Variants in CACNA2D1 observed in about 807,000 individuals in gnomAD.
The protein encoded by CACNA2D1 is voltage-dependent calcium channel subunit alpha-2/delta-1.
CACNA2D1 carries 53 observed loss-of-function variants against 171.5 expected under a neutral mutation model. That is an observed-to-expected ratio of 0.31 (90% CI 0.25 to 0.39). The LOEUF (loss-of-function observed/expected upper bound fraction) is 0.39, where lower values mean the gene tolerates loss of function less well. Among genes scored for constraint, CACNA2D1 ranks in the 10% least tolerant of loss-of-function variants. The pLI is 1.00. For synonymous variants in CACNA2D1, 442 were observed against 443.1 expected, an observed-to-expected ratio of 1.00 and a Z score of 0.03; for missense variants, 903 against 1,299.8, an observed-to-expected ratio of 0.69 and a Z score of 4.69.
chr7:82,038,680 G>C (rs1005370634), intron 10 of CACNA2D1, among the ~76,000 whole-genome samples: 1 of 152,142 alleles, frequency 6.6e-6, no homozygotes, highest in Non-Finnish European at 1.5e-5. Flanking sequence ...TGAATAACAT[G>C]AATCAATGTT....
intron 1 of CACNA2D1, among the ~76,000 whole-genome samples, chr7:82,397,415 T>C (rs1216302011): frequency 1.3e-5 from 2 of 151,980 alleles, no homozygotes; most frequent in Non-Finnish European, 2.9e-5. Flanking sequence ...TGGTCCTTCG[T>C]TTTTTTTCTT....
intron 1 of CACNA2D1, among the ~76,000 whole-genome samples, chr7:82,418,446 C>T (rs1015024419): frequency 6.6e-6 from 1 of 152,078 alleles, no homozygotes; most frequent in Non-Finnish European, 1.5e-5. Context: ...TGTATTATTT[C>T]TTCTTTGTAG....
intron 3 of CACNA2D1, among the ~76,000 whole-genome samples, chr7:82,266,268 G>T (rs375184751): frequency 1.3e-5 from 2 of 152,154 alleles, no homozygotes; most frequent in African/African-American, 4.8e-5. Flanking sequence ...GGTGCTATTT[G>T]TTATCAAGTG....
At position 82,213,057 on chromosome 7, in the gene CACNA2D1, G is replaced by A. The variant is rs532791619; in HGVS notation, c.295-42448C>T. Among the ~76,000 whole-genome samples the A allele has an allele frequency of 1.3e-4, 19 of 151,954 alleles. No individual in the cohort carries two copies. In the South Asian group the frequency reaches 1.9e-3, roughly 15 times the overall value. The stretch of plus-strand genomic sequence containing the variant: ...CTGGGATTACTGGTGCCCACACCAC[G>A]CCCTGCTAATTTTTTGTATTTTTAG... On this transcript the variant is annotated intron_variant, in intron 3 of 38. Coordinates refer to ENST00000356860, the MANE Select transcript of CACNA2D1 (RefSeq NM_000722.4).
At chr7:82,142,910 G>T (rs1171699809) in intron 4 of CACNA2D1, among the ~76,000 whole-genome samples, 1 of 152,140 alleles carries the variant, frequency 6.6e-6, no homozygotes, top group African/African-American at 2.4e-5. Flanking sequence ...TACATTTGTA[G>T]CAATTTGACT....
At chr7:82,057,625 G>A (rs1474831858) in intron 10 of CACNA2D1, among the ~76,000 whole-genome samples, 1 of 152,058 alleles carries the variant, frequency 6.6e-6, no homozygotes, top group African/African-American at 2.4e-5. Flanking sequence ...GGAATATCAT[G>A]GGTGTTGCTG....
intron 1 of CACNA2D1, among the ~76,000 whole-genome samples, chr7:82,374,768 C>G (rs1226229575): frequency 2.4e-5 from 3 of 125,790 alleles, no homozygotes; most frequent in Non-Finnish European, 5.2e-5. Flanking sequence ...AAAGAACACA[C>G]TAAACAAACA....
chr7:82,197,649 G>T (rs568021522), intron 3 of CACNA2D1, among the ~76,000 whole-genome samples: 3 of 152,026 alleles, frequency 2.0e-5, no homozygotes, highest in African/African-American at 7.2e-5. Flanking sequence ...CTGTTGTTAC[G>T]TGGCATGTGC....
At chr7:82,360,795 C>G (rs1186726240) in intron 1 of CACNA2D1, among the ~76,000 whole-genome samples, 1 of 152,130 alleles carries the variant, frequency 6.6e-6, no homozygotes, top group Non-Finnish European at 1.5e-5. Context: ...TGTGGCACTT[C>G]TTTTAAATAT....
At chr7:82,282,221 C>T (rs900795405) in intron 3 of CACNA2D1, among the ~76,000 whole-genome samples, 2 of 152,120 alleles carry the variant, frequency 1.3e-5, no homozygotes, top group Non-Finnish European at 2.9e-5. Flanking sequence ...TCCCTTGAAC[C>T]CAGGAGGCGG....
At chr7:82,238,450 CAT>C (rs1563243184) in intron 3 of CACNA2D1, among the ~76,000 whole-genome samples, 1 of 151,910 alleles carries the variant, frequency 6.6e-6, no homozygotes, top group Non-Finnish European at 1.5e-5. Flanking sequence ...CAAAAGAAGA[CAT>C]ATATACGGCC....
chr7:82,022,162 C>T lies in CACNA2D1; in HGVS notation c.1144-7683G>A, dbSNP rs111679055. On this transcript the variant is annotated intron_variant, in intron 12 of 38. Transcript: ENST00000356860. ...GTAAAATATTCCTTAGTTTGAGGGA[C>T]TGACAACACTAATTTTACTCTATGA... Among the ~76,000 whole-genome samples, 1,260 of 151,620 alleles carry T rather than the reference C, an allele frequency of 8.3e-3. 18 individuals are homozygous for T. Among genetic ancestry groups the T allele is most frequent in the African/African-American group, 0.029 (1,205 of 41,356 alleles).
intron 3 of CACNA2D1, among the ~76,000 whole-genome samples, chr7:82,199,522 C>T (rs1799195039): frequency 6.6e-6 from 1 of 152,044 alleles, no homozygotes; most frequent in Non-Finnish European, 1.5e-5. Context: ...TGAGTTATTT[C>T]AGTATACAGA....
At chr7:82,298,575 T>C (rs1377801933) in intron 3 of CACNA2D1, among the ~76,000 whole-genome samples, 1 of 148,080 alleles carries the variant, frequency 6.8e-6, no homozygotes, top group Non-Finnish European at 1.5e-5. Context: ...AGTGCAAATG[T>C]CTTTTTTTTT....
chr7:81,950,093 C>A lies in CACNA2D1; in HGVS notation c.*299G>T. 5.2e-6 allele frequency: 2 copies of A among 387,834 alleles called. No homozygotes were observed. The highest frequency in any genetic ancestry group is 9.4e-6 in the Non-Finnish European group (2 of 212,926). The allele number at this position is 387,834 out of a possible 1,614,324, so 24.0% of individuals were successfully genotyped here. ...AACAATTGTATGGGGAACCCTTTCACATGTAATCACCAACAATGCAACAAC... is the reference window on the plus strand; with the variant it reads ...AACAATTGTATGGGGAACCCTTTCAAATGTAATCACCAACAATGCAACAAC... On this transcript the variant is annotated 3_prime_UTR_variant, in exon 39 of 39. Coordinates refer to ENST00000356860, the MANE Select transcript of CACNA2D1 (RefSeq NM_000722.4).
At chr7:82,273,641 C>T (rs1470436839) in intron 3 of CACNA2D1, among the ~76,000 whole-genome samples, 1 of 152,050 alleles carries the variant, frequency 6.6e-6, no homozygotes, top group Non-Finnish European at 1.5e-5. Flanking sequence ...GAGCACCCTA[C>T]CATGCCTGGA....
At chr7:82,418,122 T>C (rs1828357356) in intron 1 of CACNA2D1, among the ~76,000 whole-genome samples, 1 of 152,146 alleles carries the variant, frequency 6.6e-6, no homozygotes. Flanking sequence ...GGAAATGGAA[T>C]CAAACACATC....
chr7:81,983,225 A>G (rs979009823), intron 23 of CACNA2D1, 89 bp downstream of exon 23: 4 of 1,109,064 alleles, frequency 3.6e-6, no homozygotes, highest in African/African-American at 1.5e-5. Context: ...TGAGAAGCAC[A>G]GAGGATAATA....
chr7:82,406,936 CAATGTATGTTTTAGT>C (rs1349444472), intron 1 of CACNA2D1, among the ~76,000 whole-genome samples: 1 of 152,112 alleles, frequency 6.6e-6, no homozygotes, highest in Non-Finnish European at 1.5e-5. Context: ...TATAATGAAT[CAATGTATGTTTTAGT>C]AATTTCATAT....
Sources: gnomAD v4.1 joint callset for allele counts (sites outside exome capture counted in the v4.1 genomes callset) on GRCh38, gnomAD v4.1.1 for gene constraint, MANE v1.5 for transcripts, NCBI Gene and HGNC (gene_info 2026-07-23, HGNC 2026-07-21) for gene names.